Variants in ARHGEF18 observed in about 807,000 individuals in gnomAD.
ARHGEF18 encodes the protein Rho/Rac guanine nucleotide exchange factor 18.
In ARHGEF18, 93 loss-of-function variants were observed where a neutral mutation model predicts 155.7. The observed-to-expected ratio is 0.60, with a 90% CI of 0.50 to 0.71. The LOEUF is 0.71. Ranked by LOEUF, ARHGEF18 falls within the 30% of genes least tolerant of loss-of-function variation. The pLI, the probability that ARHGEF18 is intolerant of heterozygous loss-of-function variation, is 0.00. For synonymous variants in ARHGEF18, 742 were observed against 753.1 expected, an observed-to-expected ratio of 0.99 and a Z score of 0.24; for missense variants, 1,593 against 1,816.1, an observed-to-expected ratio of 0.88 and a Z score of 2.23.
chr19:7,364,089 A>T (rs181418875), intron 2 of ARHGEF18, among the ~76,000 whole-genome samples: 1 of 150,742 alleles, frequency 6.6e-6, no homozygotes, highest in Admixed American at 6.6e-5. Flanking sequence ...GGATGAATGG[A>T]TGGATGAGAA....
chr19:7,453,213 C>A (rs140973297), intron 16 of ARHGEF18, among the ~76,000 whole-genome samples: 16 of 151,874 alleles, frequency 1.1e-4, no homozygotes, highest in South Asian at 2.1e-4. Flanking sequence ...CCTCCCCCCC[C>A]CAAAAAAAAC....
At position 7,387,313 on chromosome 19, in the gene ARHGEF18, C is replaced by T. The variant is rs946374164; in HGVS notation, c.967+4110C>T. Reference sequence around the variant, plus strand: ...GACTACAGGTGCCCGCCACCATGCCCGGCTAATTTTTTGTATTTTTAGTAG... The same window carrying T: ...GACTACAGGTGCCCGCCACCATGCCTGGCTAATTTTTTGTATTTTTAGTAG... On this transcript the variant is annotated intron_variant, in intron 10 of 28. Transcript: ENST00000668164. 2.4e-4 allele frequency among the ~76,000 whole-genome samples: 37 copies of T among 151,848 alleles called. 1 individual carries two copies. Among genetic ancestry groups the T allele is most frequent in the African/African-American group, 7.0e-4 (29 of 41,432 alleles).
intron 4 of ARHGEF18, among the ~76,000 whole-genome samples, chr19:7,376,073 G>C (rs75585167): frequency 0.011 from 1,709 of 152,224 alleles, 35 homozygotes; most frequent in African/African-American, 0.038. Flanking sequence ...GGATTTCCCT[G>C]GGTAAGCATC....
chr19:7,396,329 C>T (rs1289155040), intron 10 of ARHGEF18, among the ~76,000 whole-genome samples: 1 of 152,098 alleles, frequency 6.6e-6, no homozygotes, highest in African/African-American at 2.4e-5. Flanking sequence ...TTCCCATTGA[C>T]CAGAGAGAGA....
At chr19:7,410,526 G>C (rs979611792) in intron 10 of ARHGEF18, among the ~76,000 whole-genome samples, 14 of 151,606 alleles carry the variant, frequency 9.2e-5, no homozygotes, top group African/African-American at 3.1e-4. Context: ...TGTTTTTCAG[G>C]GGCTGGGCAT....
chr19:7,363,360 G>T (rs571256933), intron 2 of ARHGEF18, among the ~76,000 whole-genome samples: 44 of 152,050 alleles, frequency 2.9e-4, no homozygotes, highest in African/African-American at 1.1e-3. Context: ...ATAAAAAGAA[G>T]AAAGCTAGAT....
At chr19:7,382,257 A>G (rs1444421678) in intron 8 of ARHGEF18, among the ~76,000 whole-genome samples, 1 of 152,032 alleles carries the variant, frequency 6.6e-6, no homozygotes, top group Non-Finnish European at 1.5e-5. Flanking sequence ...TTAGCTGGGC[A>G]CAGTGGCACA....
chr19:7,472,097 C>T lies in ARHGEF18; in HGVS notation c.*1799C>T, dbSNP rs970436535. 5.9e-5 allele frequency: 9 copies of T among 152,474 alleles called. No individual in the cohort carries two copies. Among genetic ancestry groups the T allele is most frequent in the African/African-American group, 1.9e-4 (8 of 41,482 alleles). The allele number at this position is 152,474 out of a possible 1,614,324, so 9.4% of individuals were successfully genotyped here. A position where few individuals can be genotyped will look rare whatever the true frequency, so the allele number is the denominator to read the frequency against. On this transcript the variant is annotated 3_prime_UTR_variant, in exon 29 of 29. Coordinates refer to ENST00000668164, the MANE Select transcript of ARHGEF18 (RefSeq NM_001367823.1). ...CTGAGCCGGCGTGTGCCGGTCCAGCCCTCCGAGATGCCACAATTCCTTGGA... is the reference window on the plus strand; with the variant it reads ...CTGAGCCGGCGTGTGCCGGTCCAGCTCTCCGAGATGCCACAATTCCTTGGA...
chr19:7,351,757 C>G (rs7507355), intron 1 of ARHGEF18, among the ~76,000 whole-genome samples: 67,498 of 146,894 alleles, frequency 0.46, 17,917 homozygotes, highest in Middle Eastern at 0.64. Context: ...TGCAGTGGCA[C>G]AGTCTCAGCT....
At position 7,470,248 on chromosome 19, in the gene ARHGEF18, C is replaced by T. The variant is rs1162138061; in HGVS notation, c.4036C>T (p.Pro1346Ser). The T allele has an allele frequency of 1.9e-6, 3 of 1,597,304 alleles. No homozygotes were observed. The highest frequency in any genetic ancestry group is 2.6e-6 in the Non-Finnish European group (3 of 1,174,226). Residue 1346 changes from proline (P) to serine (S), a missense_variant, in exon 29 of 29, where the codon CCA becomes TCA. By Grantham distance (74) the Pro-to-Ser change is moderately conservative. Transcript: ENST00000668164. This position sits in a 1 kb window ranked among gnomAD's most constrained non-coding sequence, Gnocchi z 5.9. ...AGCTCCCTCGCCACTGCCGGCCACA[C>T]CACTCAGCGCCAAGGAGGACGCCAG... ...PPAPSPLPAT[P>S]LSAKEDASKE...
chr19:7,457,606 G>C (rs1975928794), intron 18 of ARHGEF18, among the ~76,000 whole-genome samples: 1 of 151,654 alleles, frequency 6.6e-6, no homozygotes, highest in African/African-American at 2.4e-5. Context: ...TAAGTGATCT[G>C]CCTGCCTCAG....
In ARHGEF18 at chr19:7,440,093, G is replaced by C. The variant is rs955776981; in HGVS notation, c.968-251G>C. ...GCGCCGCGCCGGGTCCCGGAGCCCC[G>C]GGCGCGAACATGGGGAATGCGCACT... On this transcript the variant is annotated intron_variant, in intron 10 of 28. Coordinates refer to ENST00000668164, the MANE Select transcript of ARHGEF18 (RefSeq NM_001367823.1). This position sits in a 1 kb window ranked among gnomAD's most constrained non-coding sequence, Gnocchi z 5.4. 2.6e-6 allele frequency: 4 copies of C among 1,550,260 alleles called. No individual in the cohort carries two copies. The highest frequency in any genetic ancestry group is 3.5e-6 in the Non-Finnish European group (4 of 1,146,496).
chr19:7,389,497 C>T (rs9710111), intron 10 of ARHGEF18, among the ~76,000 whole-genome samples: 2 of 138,484 alleles, frequency 1.4e-5, no homozygotes, highest in African/African-American at 5.7e-5. Flanking sequence ...CTTCCTTCCT[C>T]CCTTCCTTCC....
intron 1 of ARHGEF18, among the ~76,000 whole-genome samples, chr19:7,356,978 C>T (rs1969332838): frequency 6.6e-6 from 1 of 152,066 alleles, no homozygotes; most frequent in Admixed American, 6.6e-5. Context: ...GACCCAAGGG[C>T]TGGGGTTAGG....
chr19:7,479,376 C>T, the ARHGEF18 span, among the ~76,000 whole-genome samples: 4 of 152,216 alleles, frequency 2.6e-5, no homozygotes, highest in African/African-American at 4.8e-5. Context: ...CCCAGGTACT[C>T]GGGAGGCTGA....
rs141007129 is a variant in ARHGEF18 at position 7,372,079 on chromosome 19, C to T, written c.16-733C>T. On this transcript the variant is annotated intron_variant, in intron 2 of 28. Coordinates refer to ENST00000668164, the MANE Select transcript of ARHGEF18 (RefSeq NM_001367823.1). ...GAGATCACATGGATGCCTGGAGCCACATCTCAGCACTGGCCTCGCATGGAG... is the reference window on the plus strand; with the variant it reads ...GAGATCACATGGATGCCTGGAGCCATATCTCAGCACTGGCCTCGCATGGAG... 2.0e-5 allele frequency among the ~76,000 whole-genome samples: 3 copies of T among 152,320 alleles called. No individual in the cohort carries two copies. The East Asian group carries it at 5.8e-4, about 29-fold the overall frequency.
chr19:7,433,478 G>C (rs1052441409), intron 10 of ARHGEF18, among the ~76,000 whole-genome samples: 1 of 122,156 alleles, frequency 8.2e-6, no homozygotes, highest in Non-Finnish European at 1.6e-5. Context: ...CTGCATTCCA[G>C]CCTGGGTGAC....
At chr19:7,385,924 CTCTCTCTCTCTCCCCCT>C in intron 10 of ARHGEF18, among the ~76,000 whole-genome samples, 3 of 92,508 alleles carry the variant, frequency 3.2e-5, no homozygotes, top group Admixed American at 1.0e-4. Context: ...CCCTCTCTCT[CTCTCTCTCTCTCCCCCT>C]CTCCCTCTCT....
chr19:7,416,530 CGTGTGTGTGTGTGTGTGTGTGTGTGT>C (rs71179108), intron 10 of ARHGEF18, among the ~76,000 whole-genome samples: 6 of 105,910 alleles, frequency 5.7e-5, no homozygotes, highest in Non-Finnish European at 1.2e-4. Context: ...GGAGAAAATT[CGTGTGTGTGTGTGTGTGTGTGTGTGT>C]GTGTGTGTGT....
Sources: allele counts gnomAD v4.1 joint callset (sites outside exome capture counted in the v4.1 genomes callset), GRCh38; gene constraint gnomAD v4.1.1; non-coding constraint Gnocchi (gnomAD v3.1); transcripts MANE v1.5; gene names NCBI Gene and HGNC (gene_info 2026-07-23, HGNC 2026-07-21).